ZSCAN5A: variants seen among roughly 807,000 people sequenced by gnomAD.
ZSCAN5A encodes the protein zinc finger and SCAN domain containing 5A.
In ZSCAN5A, 12 loss-of-function variants were observed where a neutral mutation model predicts 23.7. The ratio of observed to expected loss-of-function variants is 0.51; its 90% CI spans 0.32 to 0.82. The LOEUF (loss-of-function observed/expected upper bound fraction) is 0.82. ZSCAN5A is among the 40% of genes least tolerant of loss of function. ZSCAN5A has a pLI of 0.03. For missense variants in ZSCAN5A, 597 were observed against 617.9 expected, an observed-to-expected ratio of 0.97 and a Z score of 0.36; for synonymous variants, 257 against 239.9, an observed-to-expected ratio of 1.07 and a Z score of -0.66.
upstream of ZSCAN5A, chr19:56,317,047 G>C (rs539805615): frequency 6.6e-6 from 1 of 152,504 alleles, no homozygotes; most frequent in South Asian, 2.1e-4. Context: ...ACATTGCCCA[G>C]GCTGGTCTCG....
intron 2 of ZSCAN5A, chr19:56,244,096 T>A: frequency 7.0e-7 from 1 of 1,435,864 alleles, no homozygotes. Flanking sequence ...GCAACAGCCC[T>A]GAGTCAGAGC....
At chr19:56,348,426 A>G (rs1024209568) in intron 2 of ZSCAN5A, among the ~76,000 whole-genome samples, 1 of 152,178 alleles carries the variant, frequency 6.6e-6, no homozygotes, top group Non-Finnish European at 1.5e-5. Context: ...TTAACTGTTT[A>G]CAGCCCACAT....
At chr19:56,311,678 T>G (rs1431117731) in intron 2 of ZSCAN5A, among the ~76,000 whole-genome samples, 2 of 152,218 alleles carry the variant, frequency 1.3e-5, no homozygotes, top group Non-Finnish European at 2.9e-5. Context: ...TATATATATA[T>G]TTTTAAGTTC....
At chr19:56,254,158 T>C (rs2036544087) in intron 2 of ZSCAN5A, among the ~76,000 whole-genome samples, 1 of 152,066 alleles carries the variant, frequency 6.6e-6, no homozygotes, top group Non-Finnish European at 1.5e-5. Flanking sequence ...TTTTTTCTTG[T>C]ACTCTACTAG....
intron 2 of ZSCAN5A, among the ~76,000 whole-genome samples, chr19:56,265,722 C>T (rs576085664): frequency 6.6e-6 from 1 of 151,796 alleles, no homozygotes; most frequent in Admixed American, 6.6e-5. Flanking sequence ...GTATCATGAG[C>T]CACTCAACAC....
intron 1 of ZSCAN5A, among the ~76,000 whole-genome samples, chr19:56,367,017 A>G (rs1031574624): frequency 5.9e-5 from 9 of 152,206 alleles, no homozygotes; most frequent in African/African-American, 2.2e-4. Context: ...AAACCAACTC[A>G]TAAGAGAACC....
Position 56,356,513 on chromosome 19 carries a change from G to A in ZSCAN5A, c.-358+6722C>T, listed in dbSNP as rs932142534. The stretch of plus-strand genomic sequence containing the variant: ...TAGATGAGGCTCATGGAGCACAGAA[G>A]GAGCACAGGCTGTTAATATCCTTCT... On this transcript the variant is annotated intron_variant, in intron 2 of 6. Coordinates refer to the ZSCAN5A transcript ENST00000587340. Among the ~76,000 whole-genome samples, 2 of 148,180 alleles carry A rather than the reference G, an allele frequency of 1.3e-5. 1 individual carries two copies. Among genetic ancestry groups the A allele is most frequent in the African/African-American group, 5.1e-5 (2 of 39,160 alleles).
At chr19:56,247,436 C>T (rs780144804) in intron 2 of ZSCAN5A, 3 of 172,556 alleles carry the variant, frequency 1.7e-5, no homozygotes, top group Middle Eastern at 5.0e-4. Flanking sequence ...CGGCCTGAAA[C>T]GTTAAAATAC....
Position 56,221,664 on chromosome 19 carries a change from A to G in ZSCAN5A, c.1402T>C (p.Tyr468His), listed in dbSNP as rs142259207. The G allele has an allele frequency of 1.2e-3, 1,957 of 1,614,204 alleles. 4 individuals are homozygous for G. Among genetic ancestry groups the G allele is most frequent in the South Asian group, 1.6e-3 (149 of 91,084 alleles). Residue 468 changes from tyrosine to histidine, a missense_variant, in exon 6 of 6, where the codon TAC becomes CAC. Physicochemically the swap from Tyr to His is moderately conservative, Grantham distance 83 (BLOSUM62 2). Around this residue, in one of 5 missense-constraint regions of ZSCAN5A, gnomAD observed 87 missense variants for 74.4 expected, o/e 1.17. Coordinates refer to ENST00000683990, the MANE Select transcript of ZSCAN5A (RefSeq NM_001322064.3). Reference sequence around the variant, plus strand: ...GCTCTTGGACACTTGGAACATTTGTAGGGTTTCTCTCCGGAGTGGATGCGC... The same window carrying G: ...GCTCTTGGACACTTGGAACATTTGTGGGGTTTCTCTCCGGAGTGGATGCGC... The part of the protein sequence containing the change: ...HQRIHSGEKP[Y>H]KCSKCPRAFS...
intron 2 of ZSCAN5A, among the ~76,000 whole-genome samples, chr19:56,250,016 C>T (rs902726349): frequency 3.3e-5 from 5 of 152,214 alleles, no homozygotes; most frequent in Admixed American, 2.0e-4. Context: ...ACTGTTGTGA[C>T]ACCTCGGTTC....
At chr19:56,368,152 A>C (rs894038075) in intron 1 of ZSCAN5A, 1 of 152,338 alleles carries the variant, frequency 6.6e-6, no homozygotes, top group South Asian at 2.1e-4. Flanking sequence ...CACCAGCGGA[A>C]CCCTCTCCAC....
At chr19:56,290,712 A>G (rs1355585007) in intron 2 of ZSCAN5A, among the ~76,000 whole-genome samples, 1 of 152,138 alleles carries the variant, frequency 6.6e-6, no homozygotes, top group African/African-American at 2.4e-5. Context: ...ATAAATACAT[A>G]AACAGTTTAA....
intron 2 of ZSCAN5A, among the ~76,000 whole-genome samples, chr19:56,252,083 A>G (rs1267465931): frequency 6.6e-6 from 1 of 152,252 alleles, no homozygotes; most frequent in African/African-American, 2.4e-5. Flanking sequence ...AAGGTTTCTC[A>G]GAGGAATGGG....
At chr19:56,300,521 A>T (rs1475198081) in intron 2 of ZSCAN5A, among the ~76,000 whole-genome samples, 1 of 152,234 alleles carries the variant, frequency 6.6e-6, no homozygotes, top group African/African-American at 2.4e-5. Context: ...AAGCTGGGGA[A>T]GATGTTTCGA....
chr19:56,324,202 C>T (rs2041411540), intron 2 of ZSCAN5A, among the ~76,000 whole-genome samples: 1 of 152,174 alleles, frequency 6.6e-6, no homozygotes, highest in Admixed American at 6.5e-5. Context: ...TTAGCTCCCA[C>T]ATATGAGTGA....
intron 2 of ZSCAN5A, among the ~76,000 whole-genome samples, chr19:56,292,514 C>T (rs56294212): frequency 0.17 from 24,885 of 150,326 alleles, 2,057 homozygotes; most frequent in Middle Eastern, 0.33. Context: ...TCTTCAATTC[C>T]GGGGCTCAAG....
At chr19:56,223,454 G>T (rs2033516419) in intron 4 of ZSCAN5A, among the ~76,000 whole-genome samples, 177 bp downstream of exon 4, 1 of 152,242 alleles carries the variant, frequency 6.6e-6, no homozygotes, top group South Asian at 2.1e-4. Flanking sequence ...GAGAAAAGTA[G>T]ATGAGGCTTC....
rs757000446 is a variant in ZSCAN5A, at chr19:56,222,706, T to C, written c.624A>G (p.Val208=). The change falls in exon 5 of 6, where the codon GTA becomes GTG. Residue 208 remains valine, a synonymous_variant. Coordinates refer to ENST00000683990, the MANE Select transcript of ZSCAN5A (RefSeq NM_001322064.3). ...EDFLLHKSID[V]TGDPKSLRPK... ...GTCTCAGAGACTTTGGGTCACCTGT[T>C]ACGTCAATACTCTTGTGTAGCAGAA... The C allele has an allele frequency of 4.3e-6, 7 of 1,614,154 alleles. No homozygotes were observed. Among genetic ancestry groups the C allele is most frequent in the Non-Finnish European group, 5.1e-6 (6 of 1,180,024 alleles).
chr19:56,324,919 T>G (rs771626920), intron 2 of ZSCAN5A, among the ~76,000 whole-genome samples: 3 of 152,224 alleles, frequency 2.0e-5, no homozygotes, highest in Non-Finnish European at 2.9e-5. Context: ...AAAGTTGACC[T>G]TTTTGTGTTC....
Sources: allele counts gnomAD v4.1 joint callset (sites outside exome capture counted in the v4.1 genomes callset), GRCh38; gene constraint gnomAD v4.1.1; regional missense constraint gnomAD v4.1.1; transcripts MANE v1.5; gene names NCBI Gene and HGNC (gene_info 2026-07-23, HGNC 2026-07-21).